Variants in CRISPLD2 observed in about 807,000 individuals in gnomAD.
CRISPLD2 encodes cysteine rich secretory protein LCCL domain containing 2, also known as cysteine-rich secretory protein LCCL domain-containing 2.
Under a neutral mutation model 71.1 loss-of-function variants are expected in CRISPLD2, and 47 were observed. The ratio of observed to expected loss-of-function variants is 0.66; its 90% CI spans 0.52 to 0.84. CRISPLD2 has a LOEUF of 0.84. CRISPLD2 is among the 40% of genes least tolerant of loss of function. The pLI, the probability that CRISPLD2 is intolerant of heterozygous loss-of-function variation, is 0.00. For synonymous variants in CRISPLD2, 317 were observed against 250.1 expected, an observed-to-expected ratio of 1.27 and a Z score of -2.52; for missense variants, 830 against 651.1, an observed-to-expected ratio of 1.27 and a Z score of -2.99.
chr16:84,866,985 A>C lies in CRISPLD2; in HGVS notation c.798A>C (p.Gln266His). The part of the protein sequence containing the change: ...PIPEENHVWL[Q>H]PRVMRPTKPK... The stretch of plus-strand genomic sequence containing the variant: ...CTGAAGAAAACCATGTTTGGCTCCA[A>C]CCGAGGGTGATGAGACCCACCAAGC... Residue 266 changes from glutamine (Q) to histidine (H), a missense_variant, in exon 7 of 15, where the codon CAA becomes CAC. By Grantham distance (24) the Gln-to-His change is conservative. Coordinates refer to ENST00000262424, the MANE Select transcript of CRISPLD2 (RefSeq NM_031476.4). 1 of 1,613,996 alleles carries C rather than the reference A, an allele frequency of 6.2e-7. No homozygotes were observed. The highest frequency in any genetic ancestry group is 1.1e-5 in the South Asian group (1 of 91,066).
At chr16:84,896,418 A>T (rs1597485367) in intron 14 of CRISPLD2, among the ~76,000 whole-genome samples, 1 of 152,308 alleles carries the variant, frequency 6.6e-6, no homozygotes, top group African/African-American at 2.4e-5. Context: ...ACATACACAT[A>T]TACAGACAGT....
intron 6 of CRISPLD2, 44 bp downstream of exon 6, chr16:84,854,873 A>T (rs774135561): frequency 4.9e-6 from 7 of 1,440,400 alleles, no homozygotes; most frequent in Non-Finnish European, 6.9e-6. Flanking sequence ...ATTTGCCCTC[A>T]GTCTGAGTCA....
At chr16:84,872,942 C>A in intron 9 of CRISPLD2, 50 bp from the exon 10 acceptor site, 1 of 1,557,038 alleles carries the variant, frequency 6.4e-7, no homozygotes, top group South Asian at 1.2e-5. Context: ...GTGAAACTTG[C>A]TGACAGAGGT....
intron 9 of CRISPLD2, 121 bp from the exon 10 acceptor site, chr16:84,872,871 T>C: frequency 8.0e-7 from 1 of 1,254,212 alleles, no homozygotes; most frequent in Non-Finnish European, 1.1e-6. Context: ...AGGAGCAGAG[T>C]GAGCTTTGGC....
chr16:84,822,442 T>C (rs1028576206), intron 1 of CRISPLD2, among the ~76,000 whole-genome samples: 12 of 152,254 alleles, frequency 7.9e-5, no homozygotes, highest in African/African-American at 2.9e-4. Flanking sequence ...CTGACCTCTT[T>C]GGCCTGTGGG....
chr16:84,823,606 C>T (rs1025232422), intron 1 of CRISPLD2, among the ~76,000 whole-genome samples: 1 of 152,190 alleles, frequency 6.6e-6, no homozygotes, highest in African/African-American at 2.4e-5. Context: ...AGACATCGCC[C>T]TGGGGGAGCC....
intron 6 of CRISPLD2, among the ~76,000 whole-genome samples, chr16:84,864,565 A>G (rs1415512718): frequency 6.6e-6 from 1 of 152,152 alleles, no homozygotes; most frequent in Non-Finnish European, 1.5e-5. Context: ...TGAAGCTTCC[A>G]CCCATAGCTT....
intron 11 of CRISPLD2, among the ~76,000 whole-genome samples, chr16:84,876,185 G>T (rs1256544086): frequency 6.6e-6 from 1 of 152,144 alleles, no homozygotes; most frequent in African/African-American, 2.4e-5. Flanking sequence ...AGCCAAACAT[G>T]TTTGCTCTAT....
intron 3 of CRISPLD2, 86 bp downstream of exon 3, chr16:84,845,990 GCCT>G (rs1425427959): frequency 1.2e-6 from 1 of 832,504 alleles, no homozygotes; most frequent in African/African-American, 1.7e-5. Flanking sequence ...ATCAAGTTTA[GCCT>G]GCAAAGAGAG....
At position 84,889,231 on chromosome 16, in the gene CRISPLD2, C is replaced by A. The variant is rs371174242; in HGVS notation, c.1307C>A (p.Thr436Asn). 3.1e-6 allele frequency: 5 copies of A among 1,614,002 alleles called. No homozygotes were observed. The highest frequency in any genetic ancestry group is 1.3e-5 in the African/African-American group (1 of 74,914). ...TCACAGCCCTTCCTGTGCTTCCAGA[C>A]CTCAAGCATCTGCAAGACAGCCGTG... is the stretch of plus-strand genomic sequence containing the variant. ...PVFGTNIYAD[T>N]SSICKTAVHA... is the part of the protein sequence containing the mutation. The change falls in exon 14 of 15, where the codon ACC becomes AAC. Residue 436 changes from threonine (T) to asparagine (N), a missense_variant and splice_region_variant. By Grantham distance (65) the Thr-to-Asn change is moderately conservative. Transcript: ENST00000262424.
chr16:84,868,454 C>T (rs1917602328), intron 7 of CRISPLD2, among the ~76,000 whole-genome samples: 2 of 152,178 alleles, frequency 1.3e-5, no homozygotes, highest in African/African-American at 4.8e-5. Context: ...GAGCAGCATC[C>T]TCCCTACCCT....
Position 84,900,823 on chromosome 16 carries a change from G to A in CRISPLD2, c.1440-5765G>A, listed in dbSNP as rs1027943346. On this transcript the variant is annotated intron_variant, in intron 14 of 14. Coordinates refer to ENST00000262424, the MANE Select transcript of CRISPLD2 (RefSeq NM_031476.4). ...TCCGGGCACTTTGGGAGGCTGAGAC[G>A]GAAGGATTGCTTGAGCCCAGGAGTT... 7.2e-5 allele frequency among the ~76,000 whole-genome samples: 11 copies of A among 152,200 alleles called. No individual in the cohort carries two copies. In the East Asian group the frequency reaches 1.5e-3, roughly 21 times the overall value.
At chr16:84,861,391 G>A (rs759810797) in intron 6 of CRISPLD2, among the ~76,000 whole-genome samples, 26 of 152,244 alleles carry the variant, frequency 1.7e-4, no homozygotes, top group Non-Finnish European at 3.2e-4. Context: ...CCCACAGTAG[G>A]CTGTCTGCAA....
rs143847527 is a variant in CRISPLD2 at position 84,889,080 on chromosome 16, G to A, written c.1306-150G>A. ...CAGTCTCTCTGGAGAGACCCCCAAGGCATCAAGGTAGTGATGATTATTTCC... is the reference window on the plus strand; with the variant it reads ...CAGTCTCTCTGGAGAGACCCCCAAGACATCAAGGTAGTGATGATTATTTCC... On this transcript the variant is annotated intron_variant, in intron 13 of 14. Coordinates refer to ENST00000262424, the MANE Select transcript of CRISPLD2 (RefSeq NM_031476.4). The A allele has an allele frequency of 2.4e-5, 20 of 822,626 alleles. 1 individual carries two copies. In the East Asian group the frequency reaches 5.0e-4, roughly 21 times the overall value. 51.0% of individuals were successfully genotyped at this position (822,626 alleles called of 1,614,324 possible). A position where few individuals can be genotyped will look rare whatever the true frequency, so the allele number is the denominator to read the frequency against.
At chr16:84,862,620 C>G (rs568385661) in intron 6 of CRISPLD2, among the ~76,000 whole-genome samples, 1 of 151,412 alleles carries the variant, frequency 6.6e-6, no homozygotes, top group Non-Finnish European at 1.5e-5. Context: ...AAGTTATGTC[C>G]CCGATGGGGC....
chr16:84,866,447 G>A (rs1174735112), intron 6 of CRISPLD2, among the ~76,000 whole-genome samples: 17 of 152,248 alleles, frequency 1.1e-4, no homozygotes, highest in Admixed American at 2.0e-4. Flanking sequence ...TGTTAGCCAG[G>A]CTGGTGTCAA....
intron 2 of CRISPLD2, among the ~76,000 whole-genome samples, chr16:84,845,013 C>T (rs141946401): frequency 1.1e-3 from 168 of 152,302 alleles, no homozygotes; most frequent in African/African-American, 3.9e-3. Context: ...CAATCCAACG[C>T]CACCCGGATA....
chr16:84,867,017 A>G lies in CRISPLD2; in HGVS notation c.830A>G (p.Lys277Arg). 1 of 1,614,044 alleles carries G rather than the reference A, an allele frequency of 6.2e-7. No individual in the cohort carries two copies. Among genetic ancestry groups the G allele is most frequent in the African/African-American group, 1.3e-5 (1 of 74,996 alleles). ...PRVMRPTKPKKTSAVNYMTQV... is the reference protein window; with the variant it reads ...PRVMRPTKPKRTSAVNYMTQV... ...GTGATGAGACCCACCAAGCCCAAGA[A>G]AACCTCTGCGGTCAACTACATGAGT... The change falls in exon 7 of 15, where the codon AAA becomes AGA. Residue 277 changes from lysine (K) to arginine (R), a missense_variant. Coordinates refer to ENST00000262424, the MANE Select transcript of CRISPLD2 (RefSeq NM_031476.4).
At chr16:84,855,178 G>A (rs1917204097) in intron 6 of CRISPLD2, among the ~76,000 whole-genome samples, 1 of 152,186 alleles carries the variant, frequency 6.6e-6, no homozygotes, top group South Asian at 2.1e-4. Context: ...GCTGGACATC[G>A]TGGCTCACAC....
Sources: allele counts gnomAD v4.1 joint callset (sites outside exome capture counted in the v4.1 genomes callset), GRCh38; gene constraint gnomAD v4.1.1; transcripts MANE v1.5; gene names NCBI Gene and HGNC (gene_info 2026-07-23, HGNC 2026-07-21).